IL23R: variants seen among roughly 807,000 people sequenced by gnomAD.
IL23R encodes the protein interleukin 23 receptor, also known as interleukin-23 receptor.
A neutral mutation model predicts 56.9 loss-of-function variants in IL23R; 34 were observed. That is an observed-to-expected ratio of 0.60 (90% CI 0.45 to 0.80). The LOEUF (loss-of-function observed/expected upper bound fraction) is 0.80. Among genes scored for constraint, IL23R ranks in the 30% least tolerant of loss-of-function variants. IL23R has a pLI of 0.00. For synonymous variants in IL23R, 230 were observed against 249.2 expected, an observed-to-expected ratio of 0.92 and a Z score of 0.73; for missense variants, 635 against 730.0, an observed-to-expected ratio of 0.87 and a Z score of 1.50.
chr1:67,186,811 G>C (rs1166526274), intron 4 of IL23R, among the ~76,000 whole-genome samples: 1 of 152,104 alleles, frequency 6.6e-6, no homozygotes, highest in East Asian at 1.9e-4. Flanking sequence ...AGTAGAGACT[G>C]GGTTTCACCA....
intron 5 of IL23R, among the ~76,000 whole-genome samples, chr1:67,203,898 G>T (rs1648810201): frequency 6.6e-6 from 1 of 152,022 alleles, no homozygotes; most frequent in Non-Finnish European, 1.5e-5. Context: ...AAATAAATTC[G>T]GGTACAGAAA....
At chr1:67,163,108 G>A (rs1188571794), upstream of IL23R, among the ~76,000 whole-genome samples, 1 of 152,106 alleles carries the variant, frequency 6.6e-6, no homozygotes, top group Non-Finnish European at 1.5e-5. Flanking sequence ...AGCTGAATGA[G>A]CCATGAGGTG....
chr1:67,215,359 G>A (rs1412705349), intron 6 of IL23R, among the ~76,000 whole-genome samples: 1 of 152,186 alleles, frequency 6.6e-6, no homozygotes, highest in Non-Finnish European at 1.5e-5. Context: ...AGCTCAGCTG[G>A]CTCACTCCTA....
At chr1:67,221,002 C>T (rs781349355) in intron 7 of IL23R, among the ~76,000 whole-genome samples, 1 of 151,004 alleles carries the variant, frequency 6.6e-6, no homozygotes, top group Non-Finnish European at 1.5e-5. Flanking sequence ...CAATTGTGAG[C>T]CATACAATAA....
At chr1:67,255,658 C>T (rs1440079372) in intron 9 of IL23R, among the ~76,000 whole-genome samples, 179 bp from the exon 10 acceptor site, 2 of 151,834 alleles carry the variant, frequency 1.3e-5, no homozygotes, top group Non-Finnish European at 2.9e-5. Context: ...AGGCTGGTCT[C>T]GAACTCCTGG....
At chr1:67,232,247 T>A (rs906586058) in intron 7 of IL23R, among the ~76,000 whole-genome samples, 3 of 152,204 alleles carry the variant, frequency 2.0e-5, no homozygotes, top group Non-Finnish European at 4.4e-5. Flanking sequence ...TAGTCGGTTT[T>A]AAGAAGAAAA....
At chr1:67,250,460 T>C (rs970417651) in intron 9 of IL23R, among the ~76,000 whole-genome samples, 2 of 152,200 alleles carry the variant, frequency 1.3e-5, no homozygotes, top group Non-Finnish European at 2.9e-5. Context: ...CCCCAGGCCT[T>C]ATTGAGAATC....
At chr1:67,162,807 G>A (rs921184566), upstream of IL23R, among the ~76,000 whole-genome samples, 4 of 152,140 alleles carry the variant, frequency 2.6e-5, no homozygotes, top group South Asian at 4.2e-4. Flanking sequence ...TGAGATGGAG[G>A]GATGCTATTC....
intron 5 of IL23R, among the ~76,000 whole-genome samples, chr1:67,203,033 C>T (rs975932726): frequency 5.9e-5 from 9 of 151,930 alleles, no homozygotes; most frequent in Admixed American, 1.3e-4. Flanking sequence ...CCTTTTCTTA[C>T]GATAGATAAA....
chr1:67,230,232 G>A (rs1259865617), intron 7 of IL23R, among the ~76,000 whole-genome samples: 4 of 152,226 alleles, frequency 2.6e-5, no homozygotes, highest in African/African-American at 7.2e-5. Flanking sequence ...GGGGCATCTG[G>A]TTGGTGAGGT....
intron 1 of IL23R, among the ~76,000 whole-genome samples, chr1:67,142,612 C>A (rs1646648025): frequency 6.6e-6 from 1 of 152,174 alleles, no homozygotes; most frequent in African/African-American, 2.4e-5. Flanking sequence ...GTTGCCCAGG[C>A]TGGAGTGCAA....
intron 3 of IL23R, among the ~76,000 whole-genome samples, chr1:67,178,773 T>C (rs1043914989): frequency 2.6e-4 from 39 of 152,366 alleles, no homozygotes; most frequent in African/African-American, 9.1e-4. Flanking sequence ...ATAGCTCTTA[T>C]TATTTTGAGA....
intron 2 of IL23R, among the ~76,000 whole-genome samples, chr1:67,168,547 A>G (rs779313511): frequency 2.6e-5 from 4 of 152,222 alleles, no homozygotes; most frequent in Non-Finnish European, 5.9e-5. Flanking sequence ...ACTTGTTGAT[A>G]GTTACTTTGT....
intron 9 of IL23R, 47 bp from the exon 10 acceptor site, chr1:67,255,790 C>T (rs763998636): frequency 2.1e-6 from 2 of 942,186 alleles, no homozygotes; most frequent in Admixed American, 1.7e-5. Flanking sequence ...TTCCTAATCT[C>T]CTATATGATT....
downstream of IL23R, among the ~76,000 whole-genome samples, chr1:67,264,196 T>C (rs2100407092): frequency 6.6e-6 from 1 of 152,340 alleles, no homozygotes; most frequent in East Asian, 1.9e-4. Flanking sequence ...AAGGGCTTTC[T>C]CTCAGAGGCT....
upstream of IL23R, among the ~76,000 whole-genome samples, chr1:67,162,936 C>T (rs116318148): frequency 4.9e-3 from 740 of 152,254 alleles, 7 homozygotes; most frequent in African/African-American, 0.017. Flanking sequence ...AAGGTGTGCA[C>T]GCAGTCTTCA....
At position 67,177,274 on chromosome 1, in the gene IL23R, C is replaced by T. The variant is rs566917698; in HGVS notation, c.368-5562C>T. Among the ~76,000 whole-genome samples, 19 of 152,296 alleles carry T rather than the reference C, an allele frequency of 1.2e-4. No homozygotes were observed. The East Asian group carries it at 3.5e-3, about 28-fold the overall frequency. On this transcript the variant is annotated intron_variant, in intron 3 of 10. Transcript: ENST00000347310. The stretch of plus-strand genomic sequence containing the variant: ...TCCTATTTCTCCACATCCTCTCCAG[C>T]ACCTGTTGTTTCCTGACTTTTTAAT...
At chr1:67,159,870 C>T (rs747385139) in intron 1 of IL23R, among the ~76,000 whole-genome samples, 28 of 152,218 alleles carry the variant, frequency 1.8e-4, no homozygotes, top group Admixed American at 4.6e-4. Context: ...GTAATCTGTA[C>T]GACGCATTAA....
At chr1:67,161,565 A>AT (rs1311951299), upstream of IL23R, among the ~76,000 whole-genome samples, 6 of 151,768 alleles carry the variant, frequency 4.0e-5, no homozygotes, top group African/African-American at 1.5e-4. Context: ...TTAAAAGAAG[A>AT]TTTTCAAACT....
Sources: allele counts gnomAD v4.1 joint callset (sites outside exome capture counted in the v4.1 genomes callset), GRCh38; gene constraint gnomAD v4.1.1; transcripts MANE v1.5; gene names NCBI Gene and HGNC (gene_info 2026-07-23, HGNC 2026-07-21).